WDFY3: variants seen among roughly 807,000 people sequenced by gnomAD.
The protein encoded by WDFY3 is WD repeat and FYVE domain-containing protein 3.
In WDFY3, 66 loss-of-function variants were observed where a neutral mutation model predicts 409.6. The ratio of observed to expected loss-of-function variants is 0.16; its 90% CI spans 0.13 to 0.20. The LOEUF (loss-of-function observed/expected upper bound fraction) is 0.20. Among genes scored for constraint, WDFY3 ranks in the 10% least tolerant of loss-of-function variants. WDFY3 has a pLI of 1.00. For missense variants in WDFY3, 3,031 were observed against 4,298.1 expected (o/e 0.71, Z 8.24); for synonymous variants, 1,521 against 1,537.1 (o/e 0.99, Z 0.25).
chr4:84,799,748 T>G (rs1441578503), intron 17 of WDFY3, among the ~76,000 whole-genome samples: 10 of 152,186 alleles, frequency 6.6e-5, no homozygotes, highest in Admixed American at 6.5e-4. Flanking sequence ...AAAAAAGGCT[T>G]ACAAGTTAGG....
At chr4:84,957,259 A>C (rs77680877) in intron 1 of WDFY3, among the ~76,000 whole-genome samples, 1 of 136,452 alleles carries the variant, frequency 7.3e-6, no homozygotes. Context: ...TTCATATACC[A>C]AAAAAAAAAA....
chr4:84,812,618 T>C (rs1752686951), intron 13 of WDFY3, among the ~76,000 whole-genome samples: 1 of 152,150 alleles, frequency 6.6e-6, no homozygotes, highest in African/African-American at 2.4e-5. Flanking sequence ...GAGAAAAATA[T>C]GACAAGTATT....
chr4:84,677,324 G>A lies in WDFY3; in HGVS notation c.10332C>T (p.Gly3444=). The change falls in exon 67 of 68, where the codon GGC becomes GGT. Residue 3444 remains glycine, a synonymous_variant. Transcript: ENST00000295888. ...TCACCCAGTGATCAGCAGCAGAACG[G>A]CCTGGCTGGTCACTCACAGACCAGC... The part of the protein sequence containing the change: ...VFSWSVSDQP[G]RSAADHWVKD... 1 of 1,614,144 alleles carries A rather than the reference G, an allele frequency of 6.2e-7. No individual in the cohort carries two copies. Among genetic ancestry groups the A allele is most frequent in the Non-Finnish European group, 8.5e-7 (1 of 1,180,012 alleles).
rs150955030 is a variant in WDFY3, at chr4:84,858,284, C to T, written c.180+2128G>A. Among the ~76,000 whole-genome samples the T allele has an allele frequency of 7.2e-3, 1,100 of 152,182 alleles. 5 individuals carry two copies. Among genetic ancestry groups the T allele is most frequent in the Middle Eastern group, 0.031 (9 of 294 alleles). On this transcript the variant is annotated intron_variant, in intron 4 of 67. Transcript: ENST00000295888. Reference sequence around the variant, plus strand: ...CCAGAAATTGAAGGTGACTGTTCCTCCCCAGTGCAGTAGACAACTAGAAGT... The same window carrying T: ...CCAGAAATTGAAGGTGACTGTTCCTTCCCAGTGCAGTAGACAACTAGAAGT...
At chr4:84,709,844 A>G (rs986230719) in intron 51 of WDFY3, among the ~76,000 whole-genome samples, 1 of 152,186 alleles carries the variant, frequency 6.6e-6, no homozygotes, top group Non-Finnish European at 1.5e-5. Flanking sequence ...CTCTGGCCTC[A>G]GCCTCCTGGG....
rs1753471059 is a variant in WDFY3, at chr4:84,817,491, C to G, written c.1788G>C (p.Leu596=). The change falls in exon 13 of 68, where the codon CTG becomes CTC. Residue 596 remains leucine (L), a synonymous_variant. Coordinates refer to ENST00000295888, the MANE Select transcript of WDFY3 (RefSeq NM_014991.6). ...CATCGTCCCCATTTGGGGAGAGCAC[C>G]AGCTGTTGGATAGTCATCAAGGCAT... ...RQHALMTIQQ[L]VLSPNGDDDM... is the part of the protein sequence containing the mutation. 1 of 1,613,778 alleles carries G rather than the reference C, an allele frequency of 6.2e-7. No homozygotes were observed. Among genetic ancestry groups the G allele is most frequent in the Non-Finnish European group, 8.5e-7 (1 of 1,179,802 alleles).
chr4:84,873,083 TTTGAG>T (rs1762339635), intron 3 of WDFY3, among the ~76,000 whole-genome samples: 1 of 151,940 alleles, frequency 6.6e-6, no homozygotes, highest in South Asian at 2.1e-4. Flanking sequence ...ATTATTGGAG[TTTGAG>T]ACAGCACTCA....
intron 1 of WDFY3, among the ~76,000 whole-genome samples, chr4:84,962,769 G>A (rs977611455): frequency 4.6e-5 from 7 of 150,720 alleles, no homozygotes; most frequent in Non-Finnish European, 5.9e-5. Context: ...CACCTCCCCA[G>A]TTCAAGCGAT....
rs927608951 is a variant in WDFY3, at chr4:84,796,770, C to T, written c.2936-18G>A. The T allele has an allele frequency of 6.3e-7, 1 of 1,587,130 alleles. No homozygotes were observed. Among genetic ancestry groups the T allele is most frequent in the Non-Finnish European group, 8.6e-7 (1 of 1,160,552 alleles). The stretch of plus-strand genomic sequence containing the variant: ...CATACTACCTGTAAGTCAAGGAAAT[C>T]TCTTGGGAAAATGTCATATGGAATT... On this transcript the variant is annotated intron_variant, in intron 18 of 67. Transcript: ENST00000295888.
At position 84,851,508 on chromosome 4, in the gene WDFY3, G is replaced by A. The variant is rs1311082538; in HGVS notation, c.181-1483C>T. 2.0e-5 allele frequency among the ~76,000 whole-genome samples: 3 copies of A among 151,990 alleles called. No individual in the cohort carries two copies. The East Asian group carries it at 5.8e-4, about 29-fold the overall frequency. ...CAGGGAGCACTGAAGGAGAACATGA[G>A]AACATAAACTAAAATCAAGAAGGAA... On this transcript the variant is annotated intron_variant, in intron 4 of 67. Coordinates refer to ENST00000295888, the MANE Select transcript of WDFY3 (RefSeq NM_014991.6).
At position 84,695,519 on chromosome 4, in the gene WDFY3, G is replaced by T. The variant is rs867305087; in HGVS notation, c.8901+451C>A. Reference sequence around the variant, plus strand: ...AGAGACAGAGAGAGATAGAGAGAGAGAGAGAGAGAGAGAGAGAGAGAGAGA... The same window carrying T: ...AGAGACAGAGAGAGATAGAGAGAGATAGAGAGAGAGAGAGAGAGAGAGAGA... On this transcript the variant is annotated intron_variant, in intron 58 of 67. Coordinates refer to ENST00000295888, the MANE Select transcript of WDFY3 (RefSeq NM_014991.6). 1.1e-4 allele frequency among the ~76,000 whole-genome samples: 16 copies of T among 141,352 alleles called. 1 individual carries two copies. The highest frequency in any genetic ancestry group is 4.2e-4 in the African/African-American group (15 of 35,308). The allele number at this position is 141,352 out of a possible 152,430, so 92.7% of individuals were successfully genotyped here.
chr4:84,826,246 A>G (rs1010354366), intron 10 of WDFY3, among the ~76,000 whole-genome samples: 1 of 152,226 alleles, frequency 6.6e-6, no homozygotes, highest in Non-Finnish European at 1.5e-5. Context: ...CCTAAACAAT[A>G]CAGCAAAATA....
chr4:84,706,143 A>G (rs1238235171), intron 53 of WDFY3, among the ~76,000 whole-genome samples: 7 of 152,212 alleles, frequency 4.6e-5, no homozygotes, highest in African/African-American at 1.7e-4. Context: ...CATATATTTA[A>G]AAGGAAACTA....
At position 84,715,266 on chromosome 4, in the gene WDFY3, A is replaced by G. The variant is rs1293862621; in HGVS notation, c.7961+32T>C. 4 of 1,313,906 alleles carry G rather than the reference A, an allele frequency of 3.0e-6. No homozygotes were observed. In the African/African-American group the frequency reaches 5.9e-5, roughly 19 times the overall value. The allele number at this position is 1,313,906 out of a possible 1,614,324, so 81.4% of individuals were successfully genotyped here. The stretch of plus-strand genomic sequence containing the variant: ...ATTCCCCCTCCCATATCTTCCCATA[A>G]TAGTATACAAAGTGTTCCGAATAAA... On this transcript the variant is annotated intron_variant, in intron 50 of 67. Transcript: ENST00000295888.
intron 32 of WDFY3, among the ~76,000 whole-genome samples, chr4:84,762,922 GACC>G: frequency 6.6e-6 from 1 of 151,868 alleles, no homozygotes; most frequent in African/African-American, 2.4e-5. Flanking sequence ...GTCTAGCCTG[GACC>G]ACATAACAAG....
intron 2 of WDFY3, among the ~76,000 whole-genome samples, chr4:84,922,479 A>C (rs1261700580): frequency 1.3e-5 from 2 of 152,184 alleles, no homozygotes; most frequent in African/African-American, 2.4e-5. Context: ...ATTAAATTGT[A>C]AGTGTGAGTA....
chr4:84,867,963 G>A (rs1274521913), intron 3 of WDFY3, among the ~76,000 whole-genome samples: 2 of 151,878 alleles, frequency 1.3e-5, no homozygotes, highest in Admixed American at 6.6e-5. Context: ...AAGGTCAAGA[G>A]ATCAAGATCA....
At chr4:84,917,986 T>C (rs1480128358) in intron 2 of WDFY3, among the ~76,000 whole-genome samples, 1 of 152,088 alleles carries the variant, frequency 6.6e-6, no homozygotes, top group Non-Finnish European at 1.5e-5. Context: ...AAAATGCACA[T>C]TCTAACTATA....
intron 54 of WDFY3, 115 bp downstream of exon 54, chr4:84,705,279 A>G (rs1430781109): frequency 5.2e-6 from 4 of 774,422 alleles, no homozygotes; most frequent in Non-Finnish European, 8.7e-6. Context: ...CATATAATAC[A>G]TATAGATATG....
Sources: gnomAD v4.1 joint callset for allele counts (sites outside exome capture counted in the v4.1 genomes callset) on GRCh38, gnomAD v4.1.1 for gene constraint, MANE v1.5 for transcripts, NCBI Gene and HGNC (gene_info 2026-07-23, HGNC 2026-07-21) for gene names.